GPATCH2: variants seen among roughly 807,000 people sequenced by gnomAD.
The protein encoded by GPATCH2 is G patch domain-containing protein 2.
GPATCH2 carries 51 observed loss-of-function variants against 58.0 expected under a neutral mutation model. The observed-to-expected ratio is 0.88, with a 90% confidence interval of 0.70 to 1.11. GPATCH2 has a LOEUF of 1.11. Among genes scored for constraint, GPATCH2 ranks in the 50% most tolerant of loss-of-function variants. The pLI is 0.00. For synonymous variants in GPATCH2, 222 were observed against 218.5 expected, an observed-to-expected ratio of 1.02 and a Z score of -0.14; for missense variants, 625 against 652.2, an observed-to-expected ratio of 0.96 and a Z score of 0.45.
Position 217,567,046 on chromosome 1 carries a change from C to CTTT in GPATCH2, c.1098+43272_1098+43274dup, listed in dbSNP as rs71301102. On this transcript the variant is annotated intron_variant, in intron 5 of 9. Transcript: ENST00000366935. Reference sequence around the variant, plus strand: ...ATCACTCAGCAAATATAACTTCTGGCTTTTTTTTTTTTTTTTTGAGACGGA... The same window carrying CTTT: ...ATCACTCAGCAAATATAACTTCTGGCTTTTTTTTTTTTTTTTTTTTGAGACGGA... 3.7e-5 allele frequency among the ~76,000 whole-genome samples: 5 copies of CTTT among 133,602 alleles called. No homozygotes were observed. The South Asian group carries it at 6.8e-4, about 18-fold the overall frequency. The allele number at this position is 133,602 out of a possible 152,430, so 87.6% of individuals were successfully genotyped here.
intron 5 of GPATCH2, among the ~76,000 whole-genome samples, chr1:217,594,369 C>T (rs1180162394): frequency 6.6e-6 from 1 of 151,882 alleles, no homozygotes; most frequent in African/African-American, 2.4e-5. Flanking sequence ...TCAAAATAAC[C>T]AACAGAAGTA....
intron 6 of GPATCH2, among the ~76,000 whole-genome samples, chr1:217,502,021 T>G (rs12036650): frequency 0.17 from 26,049 of 151,814 alleles, 3,050 homozygotes; most frequent in East Asian, 0.5. Context: ...TTGACTATAC[T>G]TGTGTGTGTG....
At position 217,491,664 on chromosome 1, in the gene GPATCH2, ATT is replaced by A; in HGVS notation, c.1277+14_1277+15del. 1 of 1,307,412 alleles carries A rather than the reference ATT, an allele frequency of 7.6e-7. No individual in the cohort carries two copies. The highest frequency in any genetic ancestry group is 1.1e-6 in the Non-Finnish European group (1 of 915,026). The allele number at this position is 1,307,412 out of a possible 1,614,324, so 81.0% of individuals were successfully genotyped here. The stretch of plus-strand genomic sequence containing the variant: ...AAAGAAAATGAATGAATAAAAAGCG[ATT>A]TTGAATTGCTTACCTGCTGGCTGTT... On this transcript the variant is annotated intron_variant, in intron 8 of 9. Coordinates refer to ENST00000366935, the MANE Select transcript of GPATCH2 (RefSeq NM_018040.5).
chr1:217,432,284 T>C (rs1658577915), intron 9 of GPATCH2, among the ~76,000 whole-genome samples: 1 of 151,866 alleles, frequency 6.6e-6, no homozygotes, highest in Non-Finnish European at 1.5e-5. Context: ...AATGCATCTA[T>C]TTTAAGCATT....
intron 8 of GPATCH2, among the ~76,000 whole-genome samples, chr1:217,468,281 G>A (rs1660552631): frequency 6.6e-6 from 1 of 152,032 alleles, no homozygotes; most frequent in Non-Finnish European, 1.5e-5. Flanking sequence ...TATAAGTGAG[G>A]GAAGTACACA....
At chr1:217,513,676 C>T (rs919220600) in intron 6 of GPATCH2, among the ~76,000 whole-genome samples, 6 of 152,110 alleles carry the variant, frequency 3.9e-5, no homozygotes, top group Admixed American at 3.3e-4. Context: ...GTCAAAGCTA[C>T]AACTACTTAG....
chr1:217,498,792 A>C (rs1039031020), intron 6 of GPATCH2: 1 of 283,420 alleles, frequency 3.5e-6, no homozygotes, highest in Non-Finnish European at 6.7e-6. Context: ...AAAAATGTTA[A>C]AAATACAACA....
At chr1:217,553,870 T>C (rs1665481989) in intron 5 of GPATCH2, among the ~76,000 whole-genome samples, 1 of 152,200 alleles carries the variant, frequency 6.6e-6, no homozygotes, top group Non-Finnish European at 1.5e-5. Flanking sequence ...GGTAGAAATG[T>C]TACATTGAAC....
At chr1:217,570,175 A>C (rs945162498) in intron 5 of GPATCH2, among the ~76,000 whole-genome samples, 2 of 152,112 alleles carry the variant, frequency 1.3e-5, no homozygotes, top group Non-Finnish European at 2.9e-5. Context: ...GCAGTGGCTC[A>C]ATCTCGGCTG....
At chr1:217,499,048 G>A (rs1662159727) in intron 6 of GPATCH2, among the ~76,000 whole-genome samples, 1 of 152,088 alleles carries the variant, frequency 6.6e-6, no homozygotes, top group East Asian at 1.9e-4. Flanking sequence ...TAATACCGAT[G>A]TATCTGGCAA....
At chr1:217,448,573 A>C (rs1257118468) in intron 9 of GPATCH2, among the ~76,000 whole-genome samples, 1 of 152,214 alleles carries the variant, frequency 6.6e-6, no homozygotes, top group Non-Finnish European at 1.5e-5. Context: ...CTTCACTACA[A>C]GGCGAGTCTT....
chr1:217,468,536 C>T (rs1194004949), intron 8 of GPATCH2, among the ~76,000 whole-genome samples: 1 of 90,606 alleles, frequency 1.1e-5, no homozygotes, highest in Non-Finnish European at 3.1e-5. Context: ...CACACACACA[C>T]ACACACACAC....
chr1:217,437,658 T>G (rs774755925), intron 9 of GPATCH2, among the ~76,000 whole-genome samples: 2 of 152,222 alleles, frequency 1.3e-5, no homozygotes, highest in Admixed American at 6.5e-5. Flanking sequence ...TCAGTAAAGC[T>G]GCTGTAGCCA....
At chr1:217,455,640 C>T (rs558570210) in intron 8 of GPATCH2, among the ~76,000 whole-genome samples, 1 of 152,010 alleles carries the variant, frequency 6.6e-6, no homozygotes. Flanking sequence ...TTCCTATGTG[C>T]CTAGTGTGAG....
intron 5 of GPATCH2, among the ~76,000 whole-genome samples, chr1:217,546,669 T>C (rs1344125649): frequency 3.3e-5 from 5 of 152,180 alleles, no homozygotes; most frequent in Non-Finnish European, 7.3e-5. Flanking sequence ...ACCTAAGCAA[T>C]ACTATTCAGG....
chr1:217,566,297 T>G (rs532205019), intron 5 of GPATCH2, among the ~76,000 whole-genome samples: 22 of 152,230 alleles, frequency 1.4e-4, no homozygotes, highest in African/African-American at 5.1e-4. Context: ...ATAAAGATAT[T>G]GAAAAGTTAA....
intron 5 of GPATCH2, among the ~76,000 whole-genome samples, chr1:217,540,946 G>A (rs1396427596): frequency 6.6e-6 from 1 of 152,114 alleles, no homozygotes; most frequent in Non-Finnish European, 1.5e-5. Context: ...CTGTTTTCTG[G>A]AGACTCAATG....
chr1:217,620,444 C>A lies in GPATCH2; in HGVS notation c.112G>T (p.Glu38Ter). Residue 38 changes from glutamate to a stop codon, truncating the protein, a stop_gained, in exon 2 of 10, where the codon GAG becomes TAG. Coordinates refer to ENST00000366935, the MANE Select transcript of GPATCH2 (RefSeq NM_018040.5). LOFTEE classifies it high-confidence loss of function. ...CCACCTCGAGCTTGCTCTGAGCTCT[C>A]TTCCAATGCTGAGACAAGGTCATGA... ...LVHDLVSALE[E>*]SSEQARGGFA... The A allele has an allele frequency of 1.2e-6, 2 of 1,614,060 alleles. No homozygotes were observed. The highest frequency in any genetic ancestry group is 1.7e-6 in the Non-Finnish European group (2 of 1,179,956).
In GPATCH2 at chr1:217,428,648, T is replaced by C. The variant is rs1658408760; in HGVS notation, c.*2497A>G. ...CATATACTGTAGAGTACATATATTC[T>C]GTACAATTAAACACTTCAACAGAGT... On this transcript the variant is annotated 3_prime_UTR_variant, in exon 10 of 10. Coordinates refer to ENST00000366935, the MANE Select transcript of GPATCH2 (RefSeq NM_018040.5). 1 of 152,216 alleles carries C rather than the reference T, an allele frequency of 6.6e-6. No homozygotes were observed. Among genetic ancestry groups the C allele is most frequent in the Non-Finnish European group, 1.5e-5 (1 of 68,036 alleles). 9.4% of individuals were successfully genotyped at this position (152,216 alleles called of 1,614,324 possible). A position where few individuals can be genotyped will look rare whatever the true frequency, so the allele number is the denominator to read the frequency against.
Sources: allele counts gnomAD v4.1 joint callset (sites outside exome capture counted in the v4.1 genomes callset), GRCh38; gene constraint gnomAD v4.1.1; transcripts MANE v1.5; gene names NCBI Gene and HGNC (gene_info 2026-07-23, HGNC 2026-07-21).